SDC3: variants seen among roughly 807,000 people sequenced by gnomAD.
The protein encoded by SDC3 is syndecan 3.
Under a neutral mutation model 24.4 loss-of-function variants are expected in SDC3, and 13 were observed. That is an observed-to-expected ratio of 0.53 (90% confidence interval 0.35 to 0.85). The LOEUF (loss-of-function observed/expected upper bound fraction) is 0.85. Among genes scored for constraint, SDC3 ranks in the 40% least tolerant of loss-of-function variants. The probability of loss-of-function intolerance (pLI) is 0.01; values close to 1 mark genes in which losing one functional copy is unlikely to be tolerated. For missense variants in SDC3, 571 were observed against 584.5 expected (o/e 0.98, Z 0.24); for synonymous variants, 295 against 260.9 (o/e 1.13, Z -1.26).
chr1:30,885,082 T>G (rs1331632294), intron 1 of SDC3, among the ~76,000 whole-genome samples: 2 of 152,212 alleles, frequency 1.3e-5, no homozygotes. Context: ...TTGATAGGAA[T>G]ATGCAGATGG....
At chr1:30,890,495 T>C (rs1463179114) in intron 1 of SDC3, among the ~76,000 whole-genome samples, 2 of 152,180 alleles carry the variant, frequency 1.3e-5, no homozygotes, top group African/African-American at 4.8e-5. Context: ...GCAGGGATTG[T>C]GGAGAAACAA....
Position 30,869,560 on chromosome 1 carries a change from AAC to A in SDC3, c.*3649_*3650del, listed in dbSNP as rs1213674348. 1.3e-3 allele frequency: 525 copies of A among 394,544 alleles called. No homozygotes were observed. Among genetic ancestry groups the A allele is most frequent in the African/African-American group, 3.2e-3 (151 of 47,196 alleles). 24.4% of individuals were successfully genotyped at this position (394,544 alleles called of 1,614,324 possible). ...ACAAAAAAAAAAAAAAAAAAAAAAA[AAC>A]AAAAACAAAACCAGTTCCTTCACAA... On this transcript the variant is annotated 3_prime_UTR_variant, in exon 5 of 5. Coordinates refer to ENST00000339394, the MANE Select transcript of SDC3 (RefSeq NM_014654.4).
intron 2 of SDC3, 58 bp from the exon 3 acceptor site, chr1:30,877,223 AG>A: frequency 6.2e-7 from 1 of 1,606,818 alleles, no homozygotes; most frequent in Non-Finnish European, 8.5e-7. Context: ...GAGGGGCATG[AG>A]GATCCCAGGT....
At chr1:30,877,400 G>A (rs1044168519) in intron 2 of SDC3, 21 of 624,092 alleles carry the variant, frequency 3.4e-5, no homozygotes, top group East Asian at 2.2e-4. Context: ...CGCCTCTCCC[G>A]GGAAGCCTTC....
intron 4 of SDC3, 60 bp from the exon 5 acceptor site, chr1:30,873,437 T>C (rs1639577284): frequency 1.5e-6 from 2 of 1,328,486 alleles, no homozygotes; most frequent in Admixed American, 1.8e-5. Flanking sequence ...GGGCAAAGGG[T>C]CCTCAGGGGT....
In SDC3 at chr1:30,873,251, G is replaced by GT; in HGVS notation, c.1288dup (p.Thr430AsnfsTer6). Reference sequence around the variant, plus strand: ...CTCCTGCTTGTCAGGCTTCTGGTATGTGACGCTCGCCTGCTTGGGTTCCTC... The same window carrying GT: ...CTCCTGCTTGTCAGGCTTCTGGTATGTTGACGCTCGCCTGCTTGGGTTCCTC... On this transcript the variant is annotated frameshift_variant, in exon 5 of 5. Coordinates refer to ENST00000339394, the MANE Select transcript of SDC3 (RefSeq NM_014654.4). LOFTEE classifies it high-confidence loss of function. The GT allele has an allele frequency of 6.2e-7, 1 of 1,613,762 alleles. No homozygotes were observed. The highest frequency in any genetic ancestry group is 1.1e-5 in the South Asian group (1 of 91,066).
intron 3 of SDC3, among the ~76,000 whole-genome samples, chr1:30,875,329 C>T (rs1639619643): frequency 6.6e-6 from 1 of 152,226 alleles, no homozygotes; most frequent in African/African-American, 2.4e-5. Flanking sequence ...CTCCAGCAAC[C>T]TGGGCCCTGT....
chr1:30,877,798 G>A (rs1458420716), intron 2 of SDC3: 1 of 154,124 alleles, frequency 6.5e-6, no homozygotes, highest in East Asian at 1.9e-4. Context: ...GGGAGCCAGG[G>A]AACTTTGCGA....
intron 1 of SDC3, among the ~76,000 whole-genome samples, chr1:30,899,947 G>A (rs1570027746): frequency 6.6e-6 from 1 of 152,164 alleles, no homozygotes; most frequent in Admixed American, 6.5e-5. Flanking sequence ...CAAGACAGGC[G>A]CCCATGCAGG....
intron 1 of SDC3, among the ~76,000 whole-genome samples, chr1:30,907,973 A>G (rs1385065050): frequency 2.0e-5 from 3 of 151,618 alleles, no homozygotes; most frequent in African/African-American, 4.9e-5. Flanking sequence ...AGCCAGGCTC[A>G]CTCCCACCCC....
Position 30,878,744 on chromosome 1 carries a change from G to A in SDC3, c.139-4C>T. Reference sequence around the variant, plus strand: ...TCTCACTGCGCCAGCGCTGGGCCTAGGGAAGGTAGAGGTGGACACAGGGCT... The same window carrying A: ...TCTCACTGCGCCAGCGCTGGGCCTAAGGAAGGTAGAGGTGGACACAGGGCT... On this transcript the variant is annotated splice_region_variant and splice_polypyrimidine_tract_variant and intron_variant, in intron 1 of 4. Coordinates refer to ENST00000339394, the MANE Select transcript of SDC3 (RefSeq NM_014654.4). The A allele has an allele frequency of 6.2e-7, 1 of 1,613,760 alleles. No homozygotes were observed. Among genetic ancestry groups the A allele is most frequent in the South Asian group, 1.1e-5 (1 of 91,082 alleles).
At position 30,874,314 on chromosome 1, in the gene SDC3, C is replaced by T. The variant is rs760509859; in HGVS notation, c.1145G>A (p.Arg382Gln). ...AGCCTCACCTACGAGCACCTCCTTC[C>T]GCTCCAGGATACTCTTCTGAGGCAG... ...AQLPQKSILE[R>Q]KEVLVAVIVG... The change falls in exon 4 of 5, where the codon CGG becomes CAG. Residue 382 changes from arginine (R) to glutamine (Q), a missense_variant. Coordinates refer to ENST00000339394, the MANE Select transcript of SDC3 (RefSeq NM_014654.4). 1.2e-5 allele frequency: 19 copies of T among 1,609,296 alleles called. No homozygotes were observed. Among genetic ancestry groups the T allele is most frequent in the Admixed American group, 3.3e-5 (2 of 59,914 alleles).
Position 30,876,587 on chromosome 1 carries a change from C to G in SDC3, c.835G>C (p.Gly279Arg). 1 of 1,531,582 alleles carries G rather than the reference C, an allele frequency of 6.5e-7. No individual in the cohort carries two copies. The highest frequency in any genetic ancestry group is 1.3e-5 in the South Asian group (1 of 79,044). 94.9% of individuals were successfully genotyped at this position (1,531,582 alleles called of 1,614,324 possible). The change falls in exon 3 of 5, where the codon GGG (glycine) becomes CGG (arginine). Residue 279 changes from glycine to arginine, a missense_variant. By Grantham distance (125) the Gly-to-Arg change is moderately radical. Around this residue, in one of 2 missense-constraint regions of SDC3, gnomAD observed 497 missense variants for 471.6 expected, o/e 1.05. Transcript: ENST00000339394. ...TCTGTGGGTCCAGGGGCAGTGGTCC[C>G]CAGGGGCAGGGTGCTCCTCTCAGGG... is the stretch of plus-strand genomic sequence containing the variant. ...DIPERSTLPL[G>R]TTAPGPTEVA...
At chr1:30,896,746 G>A (rs1235394423) in intron 1 of SDC3, among the ~76,000 whole-genome samples, 1 of 152,184 alleles carries the variant, frequency 6.6e-6, no homozygotes, top group Non-Finnish European at 1.5e-5. Flanking sequence ...TGGATCATTT[G>A]AGGCCAGTAG....
rs1639643742 is a variant in SDC3, at chr1:30,876,696, C to T, written c.726G>A (p.Glu242=). The T allele has an allele frequency of 6.2e-7, 1 of 1,602,760 alleles. No individual in the cohort carries two copies. The highest frequency in any genetic ancestry group is 1.1e-5 in the South Asian group (1 of 89,890). ...TGCTGACCAGCCTGGGTGTTGGGGC[C>T]TCGGTGTCCAAGACAGCCGCCGTGG... is the stretch of plus-strand genomic sequence containing the variant. ...PPTTAAVLDT[E]APTPRLVSTA... The change falls in exon 3 of 5, where the codon GAG becomes GAA. Residue 242 remains glutamate, a synonymous_variant. Transcript: ENST00000339394.
At chr1:30,894,598 GGTGT>G (rs1172045788) in intron 1 of SDC3, among the ~76,000 whole-genome samples, 11 of 133,350 alleles carry the variant, frequency 8.2e-5, no homozygotes, top group Non-Finnish European at 1.4e-4. Flanking sequence ...CGTGTGTGTG[GGTGT>G]GTGTGGATGA....
upstream of SDC3, among the ~76,000 whole-genome samples, chr1:30,909,019 T>C (rs372676684): frequency 2.0e-5 from 3 of 151,702 alleles, no homozygotes; most frequent in East Asian, 5.9e-4. Flanking sequence ...CGGACGCACC[T>C]CCGCGGCCGC....
At chr1:30,907,243 G>A (rs972130084) in intron 1 of SDC3, among the ~76,000 whole-genome samples, 6 of 152,186 alleles carry the variant, frequency 3.9e-5, no homozygotes, top group African/African-American at 1.4e-4. Context: ...GCCCGCCTGA[G>A]CCAGAACCTG....
chr1:30,896,410 T>C (rs1323776668), intron 1 of SDC3, among the ~76,000 whole-genome samples: 1 of 151,708 alleles, frequency 6.6e-6, no homozygotes, highest in African/African-American at 2.4e-5. Context: ...TCCTAACAGG[T>C]AGAAGAGGCA....
Sources: gnomAD v4.1 joint callset for allele counts (sites outside exome capture counted in the v4.1 genomes callset) on GRCh38, gnomAD v4.1.1 for gene constraint, gnomAD v4.1.1 regional missense constraint, MANE v1.5 for transcripts, NCBI Gene and HGNC (gene_info 2026-07-23, HGNC 2026-07-21) for gene names.